The following CCSER1 variants were observed in gnomAD, a reference collection of about 807,000 sequenced individuals.
CCSER1 encodes coiled-coil serine rich protein 1.
CCSER1 carries 41 observed loss-of-function variants against 82.0 expected under a neutral mutation model. That is an observed-to-expected ratio of 0.50 (90% CI 0.39 to 0.65). CCSER1 has a LOEUF of 0.65. Among genes scored for constraint, CCSER1 ranks in the 30% least tolerant of loss-of-function variants. The probability of loss-of-function intolerance (pLI) is 0.00; values close to 1 mark genes in which losing one functional copy is unlikely to be tolerated. For synonymous variants in CCSER1, 414 were observed against 383.9 expected (o/e 1.08, Z -0.92); for missense variants, 1,119 against 1,064.2 (o/e 1.05, Z -0.72).
chr4:90,381,314 T>C (rs1749170465), intron 3 of CCSER1, among the ~76,000 whole-genome samples: 1 of 152,238 alleles, frequency 6.6e-6, no homozygotes, highest in Admixed American at 6.5e-5. Context: ...TTTAATTTCA[T>C]ATTTATGCAA....
At chr4:91,048,424 T>C (rs563631536) in intron 9 of CCSER1, among the ~76,000 whole-genome samples, 1 of 152,140 alleles carries the variant, frequency 6.6e-6, no homozygotes, top group African/African-American at 2.4e-5. Context: ...TCCAATTTAG[T>C]GAAAGAGACA....
chr4:90,997,174 T>C (rs1337513369), intron 9 of CCSER1, among the ~76,000 whole-genome samples: 1 of 152,156 alleles, frequency 6.6e-6, no homozygotes, highest in Non-Finnish European at 1.5e-5. Flanking sequence ...TTGTGTTCCT[T>C]CTGGAGGTTG....
chr4:90,612,617 T>G (rs1226852557), intron 5 of CCSER1, among the ~76,000 whole-genome samples: 1 of 152,160 alleles, frequency 6.6e-6, no homozygotes, highest in Non-Finnish European at 1.5e-5. Context: ...TGTAAAAAGG[T>G]CAGTCTTAGA....
At chr4:90,167,218 T>C (rs1441272836) in intron 1 of CCSER1, among the ~76,000 whole-genome samples, 2 of 152,108 alleles carry the variant, frequency 1.3e-5, no homozygotes, top group Non-Finnish European at 2.9e-5. Context: ...TTTAAAAATA[T>C]CTGTGTCTCA....
chr4:91,081,074 C>CT (rs1722664690), intron 9 of CCSER1, among the ~76,000 whole-genome samples: 1 of 152,150 alleles, frequency 6.6e-6, no homozygotes, highest in Non-Finnish European at 1.5e-5. Flanking sequence ...CAACATCATC[C>CT]TGATACCAAA....
intron 10 of CCSER1, among the ~76,000 whole-genome samples, chr4:91,136,869 A>G (rs2148919768): frequency 6.6e-6 from 1 of 152,268 alleles, no homozygotes; most frequent in East Asian, 1.9e-4. Flanking sequence ...TTTACTGGCT[A>G]TGACACACAC....
At chr4:90,155,083 G>A (rs1265664460) in intron 1 of CCSER1, among the ~76,000 whole-genome samples, 2 of 152,156 alleles carry the variant, frequency 1.3e-5, no homozygotes, top group Non-Finnish European at 2.9e-5. Flanking sequence ...ACAGTTTTTA[G>A]CATGAAGGGT....
At chr4:91,452,058 G>A (rs1201494161) in intron 10 of CCSER1, among the ~76,000 whole-genome samples, 2 of 151,936 alleles carry the variant, frequency 1.3e-5, no homozygotes, top group Non-Finnish European at 1.5e-5. Flanking sequence ...TGGATAGTAA[G>A]TATTTACATC....
At chr4:91,023,632 C>T (rs1014746392) in intron 9 of CCSER1, among the ~76,000 whole-genome samples, 3 of 152,142 alleles carry the variant, frequency 2.0e-5, no homozygotes, top group Non-Finnish European at 4.4e-5. Flanking sequence ...GGATCCCTTC[C>T]TTACACCTTA....
At chr4:91,233,301 A>C (rs759202712) in intron 10 of CCSER1, among the ~76,000 whole-genome samples, 4 of 151,974 alleles carry the variant, frequency 2.6e-5, no homozygotes, top group Non-Finnish European at 4.4e-5. Flanking sequence ...TTTAATAAAA[A>C]TGTGCCATAG....
At chr4:90,296,097 A>G (rs913418928) in intron 1 of CCSER1, among the ~76,000 whole-genome samples, 2 of 152,022 alleles carry the variant, frequency 1.3e-5, no homozygotes, top group Non-Finnish European at 2.9e-5. Flanking sequence ...TGACATTGCC[A>G]CCGCTCAACA....
intron 5 of CCSER1, among the ~76,000 whole-genome samples, chr4:90,499,326 T>G (rs1466307134): frequency 2.6e-5 from 4 of 152,124 alleles, no homozygotes; most frequent in Non-Finnish European, 5.9e-5. Flanking sequence ...ACTCAGGAAC[T>G]ACCAAGAGAT....
chr4:91,267,423 G>GA (rs1228881364), intron 10 of CCSER1, among the ~76,000 whole-genome samples: 1 of 152,020 alleles, frequency 6.6e-6, no homozygotes. Context: ...TGCTTTTACA[G>GA]AAAAAAGAGT....
intron 5 of CCSER1, among the ~76,000 whole-genome samples, chr4:90,592,539 A>G (rs1400967164): frequency 6.6e-6 from 1 of 152,186 alleles, no homozygotes; most frequent in Non-Finnish European, 1.5e-5. Flanking sequence ...CTATGAATAA[A>G]GTATGTATTC....
intron 7 of CCSER1, among the ~76,000 whole-genome samples, chr4:90,772,472 C>G (rs935210929): frequency 6.6e-6 from 1 of 152,104 alleles, no homozygotes; most frequent in African/African-American, 2.4e-5. Flanking sequence ...TCAGGTATAA[C>G]TTACAGTCAC....
At chr4:90,275,583 A>G (rs1214130244) in intron 1 of CCSER1, among the ~76,000 whole-genome samples, 2 of 152,136 alleles carry the variant, frequency 1.3e-5, no homozygotes, top group Non-Finnish European at 2.9e-5. Flanking sequence ...TGCCCCTTCG[A>G]CAAAAATTTT....
chr4:90,926,910 A>G (rs1314466705), intron 9 of CCSER1, among the ~76,000 whole-genome samples: 1 of 152,064 alleles, frequency 6.6e-6, no homozygotes, highest in Non-Finnish European at 1.5e-5. Context: ...GCCCATTTCA[A>G]GATTACATTG....
At position 90,638,443 on chromosome 4, in the gene CCSER1, C is replaced by T. The variant is rs144941129; in HGVS notation, c.1932+10211C>T. On this transcript the variant is annotated intron_variant, in intron 6 of 10. Transcript: ENST00000509176. ...CAACAATGACCATTTATCATACAGA[C>T]TAACTTAGTATTGTCAGTTCTTATA... 8.9e-3 allele frequency among the ~76,000 whole-genome samples: 1,361 copies of T among 152,202 alleles called. 9 individuals carry two copies. The highest frequency in any genetic ancestry group is 0.014 in the Non-Finnish European group (958 of 68,008).
chr4:91,587,978 GTTA>G (rs1764082374), intron 10 of CCSER1, among the ~76,000 whole-genome samples: 2 of 122,296 alleles, frequency 1.6e-5, no homozygotes, highest in African/African-American at 2.9e-5. Context: ...TGAGCAAGAA[GTTA>G]AGATATTAAT....
Sources: gnomAD v4.1 joint callset for allele counts (sites outside exome capture counted in the v4.1 genomes callset) on GRCh38, gnomAD v4.1.1 for gene constraint, MANE v1.5 for transcripts, NCBI Gene and HGNC (gene_info 2026-07-23, HGNC 2026-07-21) for gene names.